The following POC5 variants were observed in gnomAD, a reference collection of about 807,000 sequenced individuals.
The protein encoded by POC5 is centrosomal protein POC5.
A neutral mutation model predicts 62.9 loss-of-function variants in POC5; 48 were observed. The ratio of observed to expected loss-of-function variants is 0.76; its 90% confidence interval spans 0.61 to 0.97. The LOEUF is 0.97. Among genes scored for constraint, POC5 ranks in the 50% least tolerant of loss-of-function variants. POC5 has a pLI of 0.00. For missense variants in POC5, 696 were observed against 679.5 expected, an observed-to-expected ratio of 1.02 and a Z score of -0.27; for synonymous variants, 236 against 228.2, an observed-to-expected ratio of 1.03 and a Z score of -0.31.
chr5:75,689,217 ACTGT>A, intron 8 of POC5, 52 bp from the exon 9 acceptor site: 1 of 1,465,258 alleles, frequency 6.8e-7, no homozygotes, highest in Non-Finnish European at 9.0e-7. Context: ...AAAGAAGAAT[ACTGT>A]CAAAAAAATA....
chr5:75,702,612 C>A lies in POC5; in HGVS notation c.506G>T (p.Gly169Val). 6.2e-7 allele frequency: 1 copy of A among 1,612,770 alleles called. No homozygotes were observed. Among genetic ancestry groups the A allele is most frequent in the Non-Finnish European group, 8.5e-7 (1 of 1,179,294 alleles). Reference sequence around the variant, plus strand: ...AGAACTGCTGTACCGTACCTTAAGACCTGAACTCCAAAGATCAAGCACATT... The same window carrying A: ...AGAACTGCTGTACCGTACCTTAAGAACTGAACTCCAAAGATCAAGCACATT... ...MENVLDLWSS[G>V]LKTNIISELS... Residue 169 changes from glycine to valine, a missense_variant, in exon 5 of 12, where the codon GGT becomes GTT. Coordinates refer to ENST00000428202, the MANE Select transcript of POC5 (RefSeq NM_001099271.2).
chr5:75,712,582 A>C (rs1777395426), intron 2 of POC5: 1 of 933,436 alleles, frequency 1.1e-6, no homozygotes, highest in Non-Finnish European at 1.7e-6. Flanking sequence ...TAAACAAAAA[A>C]ATGTTTCTTG....
Position 75,674,536 on chromosome 5 carries a change from T to C in POC5, c.1627A>G (p.Ile543Val), listed in dbSNP as rs1775580696. The change falls in exon 12 of 12, where the codon ATT becomes GTT. Residue 543 changes from isoleucine (I) to valine (V), a missense_variant. Ile to Val is a conservative substitution (Grantham distance 29). Coordinates refer to ENST00000428202, the MANE Select transcript of POC5 (RefSeq NM_001099271.2). ...QATAAKYPRT[I>V]HPESSTSASR... ...GCTGAGGTACTACTTTCAGGATGAA[T>C]GGTCCGGGGATATTTTGCTGCAGTT... The C allele has an allele frequency of 1.2e-6, 2 of 1,613,898 alleles. No homozygotes were observed. Among genetic ancestry groups the C allele is most frequent in the Non-Finnish European group, 1.7e-6 (2 of 1,179,888 alleles).
chr5:75,694,784 G>A lies in POC5; in HGVS notation c.561C>T (p.Asp187=), dbSNP rs1408432910. Residue 187 remains aspartate (D), a synonymous_variant, in exon 6 of 12, where the codon GAC becomes GAT. Transcript: ENST00000428202. ...CTTTTCTCATTTCCATTCGGTGCCA[G>A]TCAATAAAATTAAGTCTCCATTTAC... ...ELSKWRLNFI[D]WHRMEMRKEK... is the part of the protein sequence containing the mutation. The A allele has an allele frequency of 1.3e-6, 2 of 1,574,336 alleles. No individual in the cohort carries two copies. Among genetic ancestry groups the A allele is most frequent in the Non-Finnish European group, 1.7e-6 (2 of 1,148,798 alleles).
intron 9 of POC5, among the ~76,000 whole-genome samples, chr5:75,688,665 TAAGAA>T (rs1191050910): frequency 1.3e-5 from 2 of 152,184 alleles, no homozygotes; most frequent in African/African-American, 2.4e-5. Context: ...TTTGGCTACT[TAAGAA>T]AAGACAAAAT....
At chr5:75,694,507 G>C (rs1776475803) in intron 6 of POC5, 148 bp downstream of exon 6, 1 of 620,342 alleles carries the variant, frequency 1.6e-6, no homozygotes, top group Non-Finnish European at 2.6e-6. Flanking sequence ...ATGTTTAATA[G>C]GAAGAATAAA....
intron 10 of POC5, among the ~76,000 whole-genome samples, chr5:75,683,571 C>G (rs1003513232): frequency 1.7e-4 from 26 of 152,012 alleles, no homozygotes; most frequent in African/African-American, 6.3e-4. Flanking sequence ...TAGCTCTGCA[C>G]AGGTGAGTCT....
chr5:75,711,666 G>C (rs545517392), intron 2 of POC5, among the ~76,000 whole-genome samples: 12 of 152,250 alleles, frequency 7.9e-5, no homozygotes, highest in African/African-American at 2.9e-4. Context: ...GGAATATGGA[G>C]AGGCTTTCAA....
chr5:75,702,703 T>C lies in POC5; in HGVS notation c.415A>G (p.Thr139Ala), dbSNP rs199742799. ...SSSPATNSSH[T>A]DAHEILVSDF... ...CTCACAAGTATTTCATGGGCATCTGTATGACTAGAATTTGTTGCTGGTGAG... is the reference window on the plus strand; with the variant it reads ...CTCACAAGTATTTCATGGGCATCTGCATGACTAGAATTTGTTGCTGGTGAG... Residue 139 changes from threonine to alanine, a missense_variant, in exon 5 of 12, where the codon ACA becomes GCA. Thr to Ala is a moderately conservative substitution (Grantham distance 58, BLOSUM62 0). Coordinates refer to ENST00000428202, the MANE Select transcript of POC5 (RefSeq NM_001099271.2). 3.1e-6 allele frequency: 5 copies of C among 1,610,660 alleles called. No homozygotes were observed. In the African/African-American group the frequency reaches 5.3e-5, roughly 17 times the overall value.
At chr5:75,676,807 CAA>C (rs749978485) in intron 11 of POC5, among the ~76,000 whole-genome samples, 6 of 145,428 alleles carry the variant, frequency 4.1e-5, no homozygotes, top group African/African-American at 1.0e-4. Context: ...GCCTGGGAGA[CAA>C]GAGAGAAACT....
intron 11 of POC5, among the ~76,000 whole-genome samples, chr5:75,676,202 T>C (rs1421832365): frequency 2.0e-5 from 3 of 152,262 alleles, no homozygotes; most frequent in Non-Finnish European, 4.4e-5. Context: ...GTGCTCTCTT[T>C]ACACCTTCTT....
At chr5:75,684,366 T>A (rs1160487796) in intron 10 of POC5, among the ~76,000 whole-genome samples, 1 of 129,378 alleles carries the variant, frequency 7.7e-6, no homozygotes, top group Admixed American at 8.0e-5. Flanking sequence ...CTACATAATT[T>A]TTTTTTTTTT....
chr5:75,713,067 A>T (rs1777415211), intron 1 of POC5, 116 bp from the exon 2 acceptor site: 1 of 730,628 alleles, frequency 1.4e-6, no homozygotes, highest in Non-Finnish European at 2.2e-6. Flanking sequence ...GATATGCTAA[A>T]ATCATTCATT....
At position 75,690,366 on chromosome 5, in the gene POC5, C is replaced by T; in HGVS notation, c.975+17G>A. 1 of 1,583,538 alleles carries T rather than the reference C, an allele frequency of 6.3e-7. No homozygotes were observed. ...TATTGTATTAGAAGAAAGTGAAAAC[C>T]AGAAAAAGATGCTTACCATAGCAAC... is the stretch of plus-strand genomic sequence containing the variant. On this transcript the variant is annotated intron_variant, in intron 8 of 11. Transcript: ENST00000428202.
chr5:75,706,249 T>A (rs149762883), intron 3 of POC5, among the ~76,000 whole-genome samples: 18 of 152,320 alleles, frequency 1.2e-4, no homozygotes, highest in Middle Eastern at 3.4e-3. Context: ...GGGAAAAACC[T>A]CTCAAGAATG....
chr5:75,678,559 C>T (rs969797160), intron 10 of POC5, among the ~76,000 whole-genome samples: 3 of 152,128 alleles, frequency 2.0e-5, no homozygotes, highest in African/African-American at 4.8e-5. Context: ...ATTATCATTA[C>T]ACATATGCTT....
chr5:75,694,680 T>A lies in POC5; in HGVS notation c.665A>T (p.Glu222Val). The change falls in exon 6 of 12, where the codon GAA becomes GTA. Residue 222 changes from glutamate to valine, a missense_variant. Glu to Val is a moderately radical substitution (Grantham distance 121, BLOSUM62 -2). Transcript: ENST00000428202. ...NELKELQKTF[E>V]ISIGRKDEVI... ...CTCATCTTTTCTCCCAATGGAGATT[T>A]CAAAGGTTTTTTGCAGCTCCTTCAA... is the stretch of plus-strand genomic sequence containing the variant. 1 of 1,572,590 alleles carries A rather than the reference T, an allele frequency of 6.4e-7. No homozygotes were observed. The highest frequency in any genetic ancestry group is 8.6e-7 in the Non-Finnish European group (1 of 1,164,690).
intron 5 of POC5, 70 bp from the exon 6 acceptor site, chr5:75,694,901 TAAA>T (rs1285740880): frequency 1.2e-5 from 13 of 1,069,724 alleles, no homozygotes; most frequent in Non-Finnish European, 1.6e-5. Context: ...TACACTGAAA[TAAA>T]GAAACATTAA....
chr5:75,676,177 AAAAT>A (rs1775642122), intron 11 of POC5, among the ~76,000 whole-genome samples: 1 of 152,228 alleles, frequency 6.6e-6, no homozygotes. Context: ...TGTCTAATAA[AAAAT>A]AAACACACAT....
Sources: gnomAD v4.1 joint callset for allele counts (sites outside exome capture counted in the v4.1 genomes callset) on GRCh38, gnomAD v4.1.1 for gene constraint, MANE v1.5 for transcripts, NCBI Gene and HGNC (gene_info 2026-07-23, HGNC 2026-07-21) for gene names.